LRP1B: variants seen among roughly 807,000 people sequenced by gnomAD.
LRP1B encodes low-density lipoprotein receptor-related protein 1B.
LRP1B carries 217 observed loss-of-function variants against 556.6 expected under a neutral mutation model. The ratio of observed to expected loss-of-function variants is 0.39; its 90% CI spans 0.35 to 0.44. The LOEUF is 0.44. Ranked by LOEUF, LRP1B falls within the 20% of genes least tolerant of loss-of-function variation. The pLI, the probability that LRP1B is intolerant of heterozygous loss-of-function variation, is 1.00. For missense variants in LRP1B, 5,053 were observed against 5,620.8 expected, an observed-to-expected ratio of 0.90 and a Z score of 3.23; for synonymous variants, 2,047 against 1,865.8, an observed-to-expected ratio of 1.10 and a Z score of -2.50.
chr2:141,827,168 G>A (rs1696960238), intron 1 of LRP1B, among the ~76,000 whole-genome samples: 1 of 152,194 alleles, frequency 6.6e-6, no homozygotes, highest in African/African-American at 2.4e-5. Context: ...CAGAAAGATA[G>A]CTTCAGAGCT....
At chr2:142,027,673 AACACAC>A (rs3041444) in intron 1 of LRP1B, among the ~76,000 whole-genome samples, 1,594 of 144,174 alleles carry the variant, frequency 0.011, 30 homozygotes, top group East Asian at 0.06. Context: ...AAAAGATTAA[AACACAC>A]ACACACACAC....
chr2:140,438,029 T>A (rs1384314136), intron 66 of LRP1B, among the ~76,000 whole-genome samples: 1 of 148,652 alleles, frequency 6.7e-6, no homozygotes, highest in African/African-American at 2.6e-5. Context: ...TGATTGTTTG[T>A]TTTTTCTGAG....
At chr2:140,614,383 A>G (rs1054118373) in intron 41 of LRP1B, among the ~76,000 whole-genome samples, 1 of 151,838 alleles carries the variant, frequency 6.6e-6, no homozygotes, top group Non-Finnish European at 1.5e-5. Flanking sequence ...TACTGAGTAA[A>G]TTTTTTTTCT....
At chr2:141,466,677 G>A (rs1682214256) in intron 3 of LRP1B, among the ~76,000 whole-genome samples, 1 of 151,950 alleles carries the variant, frequency 6.6e-6, no homozygotes, top group African/African-American at 2.4e-5. Context: ...GGGCTGCAGT[G>A]GCCATTTTTT....
At chr2:140,516,256 A>G (rs1183731550) in intron 50 of LRP1B, among the ~76,000 whole-genome samples, 2 of 152,116 alleles carry the variant, frequency 1.3e-5, no homozygotes, top group African/African-American at 4.8e-5. Flanking sequence ...GAAGTATTTG[A>G]AAAAATAAGA....
chr2:142,092,587 C>T (rs987434989), intron 1 of LRP1B, among the ~76,000 whole-genome samples: 7 of 151,640 alleles, frequency 4.6e-5, no homozygotes, highest in African/African-American at 7.3e-5. Flanking sequence ...AAAAGTATTG[C>T]GATCTGATCC....
chr2:140,944,891 G>A (rs563389650), intron 20 of LRP1B, among the ~76,000 whole-genome samples: 37 of 152,148 alleles, frequency 2.4e-4, no homozygotes, highest in Non-Finnish European at 4.6e-4. Flanking sequence ...ATTTAACATC[G>A]TACTGGAATC....
chr2:140,883,731 T>C, intron 25 of LRP1B, 86 bp downstream of exon 25: 2 of 884,292 alleles, frequency 2.3e-6, no homozygotes, highest in South Asian at 1.5e-5. Flanking sequence ...CTTTGACTCA[T>C]AATTGATGAG....
chr2:141,736,113 G>A (rs1258971525), intron 2 of LRP1B, among the ~76,000 whole-genome samples: 1 of 152,068 alleles, frequency 6.6e-6, no homozygotes. Context: ...AAAGAATAGA[G>A]GCTAAGTGAC....
chr2:141,513,308 G>T (rs1684196186), intron 2 of LRP1B, among the ~76,000 whole-genome samples: 1 of 151,622 alleles, frequency 6.6e-6, no homozygotes, highest in South Asian at 2.1e-4. Context: ...CATCATCTTG[G>T]CTTTTATAGA....
intron 3 of LRP1B, among the ~76,000 whole-genome samples, chr2:141,287,248 A>T (rs935948003): frequency 1.3e-5 from 2 of 151,410 alleles, no homozygotes; most frequent in Admixed American, 1.3e-4. Context: ...TCTCATTCTC[A>T]TTCTCCTCTT....
At chr2:141,100,800 T>G (rs77461385) in intron 7 of LRP1B, among the ~76,000 whole-genome samples, 13,247 of 151,946 alleles carry the variant, frequency 0.087, 640 homozygotes, top group South Asian at 0.14. Flanking sequence ...GAAAACAGAT[T>G]TGTACTTGTG....
At chr2:141,980,136 G>A (rs893453569) in intron 1 of LRP1B, among the ~76,000 whole-genome samples, 2 of 152,078 alleles carry the variant, frequency 1.3e-5, no homozygotes, top group African/African-American at 4.8e-5. Flanking sequence ...AACAGAAGCT[G>A]AACTGCTTAC....
At chr2:140,374,269 T>G (rs1180122910) in intron 68 of LRP1B, among the ~76,000 whole-genome samples, 1 of 152,168 alleles carries the variant, frequency 6.6e-6, no homozygotes, top group African/African-American at 2.4e-5. Context: ...TTTGCCAAAA[T>G]GTACTTGTCT....
chr2:140,901,070 G>A (rs570619632), intron 23 of LRP1B, among the ~76,000 whole-genome samples: 31 of 152,116 alleles, frequency 2.0e-4, no homozygotes, highest in Admixed American at 5.2e-4. Context: ...TACATAGTAG[G>A]GGTTATAGTA....
At chr2:140,267,348 G>A (rs149632644) in intron 86 of LRP1B, among the ~76,000 whole-genome samples, 2,023 of 152,000 alleles carry the variant, frequency 0.013, 45 homozygotes, top group African/African-American at 0.047. Context: ...GTGGGGAACT[G>A]GTTCCAAGAC....
intron 41 of LRP1B, among the ~76,000 whole-genome samples, chr2:140,610,853 G>A (rs1236615809): frequency 1.3e-5 from 2 of 152,236 alleles, no homozygotes; most frequent in East Asian, 1.9e-4. Flanking sequence ...TTACAGGCGT[G>A]AGACACAGTG....
At chr2:140,795,158 A>C (rs1376670937) in intron 32 of LRP1B, among the ~76,000 whole-genome samples, 1 of 152,108 alleles carries the variant, frequency 6.6e-6, no homozygotes, top group Non-Finnish European at 1.5e-5. Context: ...CCTTCTTGTA[A>C]AGGTTCTGTG....
intron 3 of LRP1B, among the ~76,000 whole-genome samples, chr2:141,260,584 C>T (rs1684647075): frequency 6.6e-6 from 1 of 152,162 alleles, no homozygotes; most frequent in Non-Finnish European, 1.5e-5. Flanking sequence ...CTAAGCCAAA[C>T]AACCACTGTT....
Sources: allele counts gnomAD v4.1 joint callset (sites outside exome capture counted in the v4.1 genomes callset), GRCh38; gene constraint gnomAD v4.1.1; transcripts MANE v1.5; gene names NCBI Gene and HGNC (gene_info 2026-07-23, HGNC 2026-07-21).